The following SVOPL variants were observed in gnomAD, a reference collection of about 807,000 sequenced individuals.
The protein encoded by SVOPL is SVOP like, also known as putative transporter SVOPL.
In SVOPL, 60 loss-of-function variants were observed where a neutral mutation model predicts 61.0. The ratio of observed to expected loss-of-function variants is 0.98; its 90% confidence interval spans 0.80 to 1.22. The LOEUF is 1.22. SVOPL is among the 50% of genes most tolerant of loss of function. The pLI, the probability that SVOPL is intolerant of heterozygous loss-of-function variation, is 0.00. For missense variants in SVOPL, 662 were observed against 643.9 expected (o/e 1.03, Z -0.30); for synonymous variants, 279 against 250.0 (o/e 1.12, Z -1.09).
intron 9 of SVOPL, among the ~76,000 whole-genome samples, chr7:138,630,643 T>C (rs1169698937): frequency 6.6e-6 from 1 of 152,048 alleles, no homozygotes; most frequent in African/African-American, 2.4e-5. Flanking sequence ...TAACTTTGGA[T>C]AAAAACAAGT....
At chr7:138,632,716 T>C (rs1800270033) in intron 9 of SVOPL, among the ~76,000 whole-genome samples, 2 of 142,900 alleles carry the variant, frequency 1.4e-5, no homozygotes, top group Non-Finnish European at 3.1e-5. Context: ...AGACAGGGGG[T>C]TGTGGAGGGA....
At chr7:138,687,375 A>G (rs1298777274) in intron 1 of SVOPL, among the ~76,000 whole-genome samples, 1 of 150,862 alleles carries the variant, frequency 6.6e-6, no homozygotes, top group Admixed American at 6.6e-5. Context: ...AGCTGGGATT[A>G]CAGGTGCACA....
intron 9 of SVOPL, among the ~76,000 whole-genome samples, chr7:138,643,068 A>C (rs1446671558): frequency 6.6e-6 from 1 of 152,130 alleles, no homozygotes; most frequent in Non-Finnish European, 1.5e-5. Flanking sequence ...CCTCAAAAAA[A>C]TTAAACATAG....
chr7:138,603,394 C>G (rs1373800429), intron 14 of SVOPL, among the ~76,000 whole-genome samples: 2 of 152,138 alleles, frequency 1.3e-5, no homozygotes, highest in Non-Finnish European at 2.9e-5. Context: ...TTAAGATCAG[C>G]TAAAGCAGGC....
chr7:138,619,561 T>TAAA (rs11440977), intron 14 of SVOPL, among the ~76,000 whole-genome samples: 877 of 60,294 alleles, frequency 0.015, 62 homozygotes, highest in East Asian at 0.07. Flanking sequence ...TCTCAGATGT[T>TAAA]AAAAAAAAAA....
chr7:138,633,856 A>G (rs1263882492), intron 9 of SVOPL, among the ~76,000 whole-genome samples: 1 of 152,212 alleles, frequency 6.6e-6, no homozygotes, highest in Non-Finnish European at 1.5e-5. Context: ...GACTTTTGTC[A>G]TCAGTGATGT....
chr7:138,666,615 TACAG>T (rs1251433660), intron 4 of SVOPL, among the ~76,000 whole-genome samples: 1 of 152,220 alleles, frequency 6.6e-6, no homozygotes, highest in African/African-American at 2.4e-5. Context: ...GGACCAGCCT[TACAG>T]ACATTCTTTT....
intron 14 of SVOPL, among the ~76,000 whole-genome samples, chr7:138,604,632 T>C (rs950377261): frequency 2.2e-5 from 3 of 138,814 alleles, no homozygotes; most frequent in African/African-American, 5.6e-5. Context: ...GAGCCAAAAT[T>C]GTGCCATTAC....
chr7:138,677,826 G>C (rs1308049019), intron 3 of SVOPL, among the ~76,000 whole-genome samples: 1 of 148,884 alleles, frequency 6.7e-6, no homozygotes, highest in African/African-American at 2.5e-5. Context: ...GCAGTGGCGC[G>C]ATCTCAGCTC....
chr7:138,632,481 A>G (rs1800253475), intron 9 of SVOPL, among the ~76,000 whole-genome samples: 1 of 152,070 alleles, frequency 6.6e-6, no homozygotes, highest in Non-Finnish European at 1.5e-5. Flanking sequence ...CTTAATGGGC[A>G]TGATGGATGG....
intron 14 of SVOPL, among the ~76,000 whole-genome samples, chr7:138,609,613 C>T (rs987118327): frequency 4.0e-5 from 6 of 151,636 alleles, no homozygotes; most frequent in South Asian, 2.1e-4. Flanking sequence ...AAGCTGTGAT[C>T]GCACCACTGC....
chr7:138,678,937 A>C, intron 2 of SVOPL, 27 bp downstream of exon 2: 1 of 1,546,198 alleles, frequency 6.5e-7, no homozygotes, highest in South Asian at 1.2e-5. Context: ...CAGCAGGTTG[A>C]GCTGGAGACT....
intron 14 of SVOPL, among the ~76,000 whole-genome samples, chr7:138,603,189 T>G (rs575346004): frequency 2.0e-4 from 31 of 152,288 alleles, no homozygotes; most frequent in African/African-American, 7.5e-4. Context: ...TAATTTTCCC[T>G]TATAACTTAC....
chr7:138,693,231 T>C (rs924950713), intron 1 of SVOPL, among the ~76,000 whole-genome samples: 1 of 151,992 alleles, frequency 6.6e-6, no homozygotes, highest in Non-Finnish European at 1.5e-5. Flanking sequence ...TCTTGCCAGG[T>C]GTGGTGGTTC....
intron 4 of SVOPL, among the ~76,000 whole-genome samples, chr7:138,666,961 G>T (rs1055216800): frequency 2.6e-5 from 4 of 152,044 alleles, no homozygotes; most frequent in African/African-American, 9.7e-5. Flanking sequence ...TCTCTTTCAG[G>T]CTTGCAAATC....
chr7:138,675,845 C>A (rs1216724239), intron 3 of SVOPL, among the ~76,000 whole-genome samples: 9 of 151,730 alleles, frequency 5.9e-5, no homozygotes, highest in Admixed American at 5.3e-4. Flanking sequence ...TTGTTTTGTT[C>A]CCCGCCTTCC....
At chr7:138,638,632 CAAAAT>C (rs1800621688) in intron 9 of SVOPL, among the ~76,000 whole-genome samples, 1 of 136,530 alleles carries the variant, frequency 7.3e-6, no homozygotes, top group South Asian at 2.5e-4. Context: ...TATAAAAAAA[CAAAAT>C]AAACTTAAGT....
At position 138,647,870 on chromosome 7, in the gene SVOPL, G is replaced by T. The variant is rs1482886201; in HGVS notation, c.660+1142C>A. On this transcript the variant is annotated intron_variant, in intron 8 of 15. Transcript: ENST00000674285. ...TTCAAAAAAAAAAAAAAAAAAAATAGTCACATGCCTGAAGCTAGCAGCTTT... is the reference window on the plus strand; with the variant it reads ...TTCAAAAAAAAAAAAAAAAAAAATATTCACATGCCTGAAGCTAGCAGCTTT... Among the ~76,000 whole-genome samples, 8 of 143,464 alleles carry T rather than the reference G, an allele frequency of 5.6e-5. No individual in the cohort carries two copies. In the South Asian group the frequency reaches 1.9e-3, roughly 34 times the overall value. The allele number at this position is 143,464 out of a possible 152,430, so 94.1% of individuals were successfully genotyped here.
intron 9 of SVOPL, among the ~76,000 whole-genome samples, chr7:138,637,399 GC>G (rs1405547429): frequency 6.7e-6 from 1 of 150,218 alleles, no homozygotes; most frequent in African/African-American, 2.5e-5. Flanking sequence ...CTGCATGCCA[GC>G]CTAGGTGACA....
Sources: gnomAD v4.1 joint callset for allele counts (sites outside exome capture counted in the v4.1 genomes callset) on GRCh38, gnomAD v4.1.1 for gene constraint, MANE v1.5 for transcripts, NCBI Gene and HGNC (gene_info 2026-07-23, HGNC 2026-07-21) for gene names.